TERT: variants seen among roughly 807,000 people sequenced by gnomAD.
TERT encodes the protein telomerase catalytic subunit.
In TERT, 42 loss-of-function variants were observed where a neutral mutation model predicts 104.0. The observed-to-expected ratio is 0.40, with a 90% CI of 0.32 to 0.52. The LOEUF (loss-of-function observed/expected upper bound fraction) is 0.52, where lower values mean the gene tolerates loss of function less well. Among genes scored for constraint, TERT ranks in the 20% least tolerant of loss-of-function variants. TERT has a pLI of 0.43. For synonymous variants in TERT, 781 were observed against 725.6 expected (o/e 1.08, Z -1.23); for missense variants, 1,101 against 1,610.3 (o/e 0.68, Z 5.41).
In TERT at chr5:1,253,463, G is replaced by A. The variant is rs937163728; in HGVS notation, c.*265C>T. Reference sequence around the variant, plus strand: ...CTCCTGGTGAGGAAAAGCTGGCCCTGGGGTGGAGCCGAGCGCCAGCCTGTG... The same window carrying A: ...CTCCTGGTGAGGAAAAGCTGGCCCTAGGGTGGAGCCGAGCGCCAGCCTGTG... On this transcript the variant is annotated 3_prime_UTR_variant, in exon 16 of 16. Transcript: ENST00000310581. 2 of 575,388 alleles carry A rather than the reference G, an allele frequency of 3.5e-6. No individual in the cohort carries two copies. Among genetic ancestry groups the A allele is most frequent in the African/African-American group, 3.7e-5 (2 of 53,466 alleles). The allele number at this position is 575,388 out of a possible 1,614,324, so 35.6% of individuals were successfully genotyped here. A position where few individuals can be genotyped will look rare whatever the true frequency, so the allele number is the denominator to read the frequency against.
At chr5:1,289,843 G>A (rs1277763615) in intron 2 of TERT, among the ~76,000 whole-genome samples, 2 of 94,470 alleles carry the variant, frequency 2.1e-5, no homozygotes, top group African/African-American at 5.0e-5. Context: ...CGGGGACAGT[G>A]CCTCACTCAC....
intron 3 of TERT, among the ~76,000 whole-genome samples, chr5:1,280,727 G>A (rs984123773): frequency 6.6e-6 from 1 of 152,202 alleles, no homozygotes; most frequent in Non-Finnish European, 1.5e-5. Flanking sequence ...CTGGCCCCAG[G>A]CAGGACCCCC....
At chr5:1,284,465 C>T (rs13189988) in intron 2 of TERT, among the ~76,000 whole-genome samples, 12 of 104,308 alleles carry the variant, frequency 1.2e-4, no homozygotes, top group East Asian at 3.2e-4. Context: ...CGGACCGGCA[C>T]CATCCGGACT....
At chr5:1,281,285 T>C (rs1750005087) in intron 3 of TERT, among the ~76,000 whole-genome samples, 1 of 152,230 alleles carries the variant, frequency 6.6e-6, no homozygotes, top group African/African-American at 2.4e-5. Flanking sequence ...TGCAAGGAAA[T>C]GGCCCCAGCA....
At position 1,270,318 on chromosome 5, in the gene TERT, C is replaced by T. The variant is rs745556746; in HGVS notation, c.2468+801G>A. ...TGCACAGTCCTTTATCCGCTGGAGA[C>T]GATCCCAGAGAGAGGCCTCCACGTT... is the stretch of plus-strand genomic sequence containing the variant. On this transcript the variant is annotated intron_variant, in intron 8 of 15. Coordinates refer to ENST00000310581, the MANE Select transcript of TERT (RefSeq NM_198253.3). This position sits in a 1 kb window ranked among gnomAD's most constrained non-coding sequence, Gnocchi z 8.3. 3.9e-5 allele frequency among the ~76,000 whole-genome samples: 6 copies of T among 152,180 alleles called. No homozygotes were observed. The highest frequency in any genetic ancestry group is 3.8e-4 in the East Asian group (2 of 5,200).
At chr5:1,280,103 G>A in intron 4 of TERT, 55 bp downstream of exon 4, 2 of 1,607,566 alleles carry the variant, frequency 1.2e-6, no homozygotes, top group Non-Finnish European at 1.7e-6. Context: ...GATACCAAAT[G>A]TGGGGCTCAA....
At position 1,268,698 on chromosome 5, in the gene TERT, C is replaced by T. The variant is rs538359641; in HGVS notation, c.2469-65G>A. ...GTGCTGGACATGCGTACACTCAAAC[C>T]GAGCCACACACAGACACAGAACCTC... On this transcript the variant is annotated intron_variant, in intron 8 of 15. Coordinates refer to ENST00000310581, the MANE Select transcript of TERT (RefSeq NM_198253.3). This position sits in a 1 kb window ranked among gnomAD's most constrained non-coding sequence, Gnocchi z 5.5. The T allele has an allele frequency of 7.7e-5, 86 of 1,112,856 alleles. No individual in the cohort carries two copies. The Admixed American group carries it at 1.1e-3, about 14-fold the overall frequency. 68.9% of individuals were successfully genotyped at this position (1,112,856 alleles called of 1,614,324 possible). A position where few individuals can be genotyped will look rare whatever the true frequency, so the allele number is the denominator to read the frequency against.
chr5:1,294,639 G>C lies in TERT; in HGVS notation c.247C>G (p.Arg83Gly). The change falls in exon 2 of 16, where the codon CGA becomes GGA. Residue 83 changes from arginine to glycine, a missense_variant. Arg to Gly is a moderately radical substitution (Grantham distance 125). Around this residue, in one of 5 missense-constraint regions of TERT, gnomAD observed 87 missense variants for 145.4 expected, o/e 0.60. Coordinates refer to ENST00000310581, the MANE Select transcript of TERT (RefSeq NM_198253.3). ...QVSCLKELVA[R>G]VLQRLCERGA... ...CGCTCGCACAGCCTCTGCAGCACTC[G>C]GGCCACCAGCTCCTTCAGGCAGGAC... 6.3e-7 allele frequency: 1 copy of C among 1,596,164 alleles called. No individual in the cohort carries two copies. Among genetic ancestry groups the C allele is most frequent in the South Asian group, 1.1e-5 (1 of 90,706 alleles).
At chr5:1,276,978 T>G (rs1749641963) in intron 6 of TERT, among the ~76,000 whole-genome samples, 1 of 152,192 alleles carries the variant, frequency 6.6e-6, no homozygotes, top group African/African-American at 2.4e-5. Flanking sequence ...GATGCCACAC[T>G]TGCAGCAGAA....
rs1159166262 is a variant in TERT, at chr5:1,292,718, G to C, written c.1573+595C>G. Among the ~76,000 whole-genome samples the C allele has an allele frequency of 6.6e-6, 1 of 152,130 alleles. No individual in the cohort carries two copies. Among genetic ancestry groups the C allele is most frequent in the African/African-American group, 2.4e-5 (1 of 41,432 alleles). On this transcript the variant is annotated intron_variant, in intron 2 of 15. Transcript: ENST00000310581. The surrounding 1 kb of genome is among the most constrained non-coding windows in gnomAD (Gnocchi z 5.5). ...AGTACAGATAGGGTTTCACCATGTT[G>C]GTCAGGCTGGTCTCAAACTCCTGAC...
At chr5:1,291,575 C>G (rs1185836021) in intron 2 of TERT, among the ~76,000 whole-genome samples, 7 of 124,756 alleles carry the variant, frequency 5.6e-5, no homozygotes, top group Admixed American at 7.9e-5. Context: ...CCTCACTCAC[C>G]CTGCACGTGA....
chr5:1,274,832 C>T lies in TERT; in HGVS notation c.2287-2552G>A, dbSNP rs1399880556. Among the ~76,000 whole-genome samples, 1 of 152,276 alleles carries T rather than the reference C, an allele frequency of 6.6e-6. No individual in the cohort carries two copies. On this transcript the variant is annotated intron_variant, in intron 6 of 15. Transcript: ENST00000310581. The surrounding 1 kb of genome is among the most constrained non-coding windows in gnomAD (Gnocchi z 5.3). ...AAAAGAAAGTTCAAACATCCATAAT[C>T]GAAACTTTTCCTTCAAGGAGCCGGA...
At position 1,253,801 on chromosome 5, in the gene TERT, C is replaced by T. The variant is rs185829989; in HGVS notation, c.3326G>A (p.Gly1109Glu). 6.2e-7 allele frequency: 1 copy of T among 1,611,738 alleles called. No homozygotes were observed. The highest frequency in any genetic ancestry group is 1.1e-5 in the South Asian group (1 of 90,496). ...GGCCTCCAGGGCAGTCAGCGTCGTC[C>T]CCGGGAGCTTCCGACTCAGCTGCGT... ...AQTQLSRKLPGTTLTALEAAA... is the reference protein window; with the variant it reads ...AQTQLSRKLPETTLTALEAAA... The change falls in exon 16 of 16, where the codon GGG becomes GAG. Residue 1109 changes from glycine to glutamate, a missense_variant. Around this residue, in one of 5 missense-constraint regions of TERT, gnomAD observed 463 missense variants for 797.5 expected, o/e 0.58. Coordinates refer to ENST00000310581, the MANE Select transcript of TERT (RefSeq NM_198253.3).
At chr5:1,293,200 G>A (rs1751100888) in intron 2 of TERT, 113 bp downstream of exon 2, 6 of 1,350,846 alleles carry the variant, frequency 4.4e-6, no homozygotes, top group Non-Finnish European at 6.2e-6. Context: ...AAAGCCACGT[G>A]TGCCCACGTG....
intron 15 of TERT, among the ~76,000 whole-genome samples, chr5:1,254,151 A>G (rs1313648811): frequency 6.6e-6 from 1 of 152,172 alleles, no homozygotes; most frequent in African/African-American, 2.4e-5. Context: ...CTGAGATGGG[A>G]AGCAGGGGTT....
chr5:1,255,320 G>A lies in TERT; in HGVS notation c.3124C>T (p.Leu1042Phe), dbSNP rs1333205745. 2 of 1,614,152 alleles carry A rather than the reference G, an allele frequency of 1.2e-6. No homozygotes were observed. Among genetic ancestry groups the A allele is most frequent in the Non-Finnish European group, 1.7e-6 (2 of 1,180,008 alleles). ...FLRVISDTAS[L>F]CYSILKAKNA... ...TTGGCTTTCAGGATGGAGTAGCAGA[G>A]GGAGGCCGTGTCAGAGATGACGCGC... Residue 1042 changes from leucine to phenylalanine, a missense_variant, in exon 14 of 16, where the codon CTC (leucine) becomes TTC (phenylalanine). By Grantham distance (22) the Leu-to-Phe change is conservative. Transcript: ENST00000310581. This position sits in a 1 kb window ranked among gnomAD's most constrained non-coding sequence, Gnocchi z 6.9.
intron 10 of TERT, among the ~76,000 whole-genome samples, chr5:1,266,124 C>G (rs541693927): frequency 4.6e-5 from 7 of 152,038 alleles, no homozygotes; most frequent in African/African-American, 1.7e-4. Context: ...AGGCCCTGTG[C>G]ACAGCTCCTG....
rs781181776 is a variant in TERT at position 1,268,853 on chromosome 5, C to T, written c.2469-220G>A. On this transcript the variant is annotated intron_variant, in intron 8 of 15. Coordinates refer to ENST00000310581, the MANE Select transcript of TERT (RefSeq NM_198253.3). This position sits in a 1 kb window ranked among gnomAD's most constrained non-coding sequence, Gnocchi z 5.5. The stretch of plus-strand genomic sequence containing the variant: ...CTGGGGCGGCTGAAACAGATCCAGC[C>T]ACAGGTGTGACCACATCCTTGCTCT... Among the ~76,000 whole-genome samples, 4 of 152,236 alleles carry T rather than the reference C, an allele frequency of 2.6e-5. No individual in the cohort carries two copies. The highest frequency in any genetic ancestry group is 4.8e-5 in the African/African-American group (2 of 41,462).
At chr5:1,267,898 G>A (rs1177758037) in intron 9 of TERT, among the ~76,000 whole-genome samples, 1 of 152,072 alleles carries the variant, frequency 6.6e-6, no homozygotes, top group Admixed American at 6.5e-5. Flanking sequence ...ATGAGTTAAT[G>A]GGTGCAGCAC....
Sources: gnomAD v4.1 joint callset for allele counts (sites outside exome capture counted in the v4.1 genomes callset) on GRCh38, gnomAD v4.1.1 for gene constraint, gnomAD v4.1.1 regional missense constraint, Gnocchi (gnomAD v3.1) non-coding constraint, MANE v1.5 for transcripts, NCBI Gene and HGNC (gene_info 2026-07-23, HGNC 2026-07-21) for gene names.